AFP: variants seen among roughly 807,000 people sequenced by gnomAD.
AFP encodes the protein alpha-fetoprotein.
In AFP, 64 loss-of-function variants were observed where a neutral mutation model predicts 78.9. That is an observed-to-expected ratio of 0.81 (90% CI 0.66 to 1.00). AFP has a LOEUF of 1.00. Ranked by LOEUF, AFP falls within the 50% of genes least tolerant of loss-of-function variation. The pLI is 0.00. For missense variants in AFP, 689 were observed against 703.8 expected, an observed-to-expected ratio of 0.98 and a Z score of 0.24; for synonymous variants, 254 against 243.8, an observed-to-expected ratio of 1.04 and a Z score of -0.39.
At position 73,440,632 on chromosome 4, in the gene AFP, GAGAA is replaced by G. The variant is rs755796587; in HGVS notation, c.307_310del (p.Glu103PhefsTer56). 31 of 1,614,016 alleles carry G rather than the reference GAGAA, an allele frequency of 1.9e-5. No homozygotes were observed. The highest frequency in any genetic ancestry group is 2.6e-5 in the Non-Finnish European group (31 of 1,180,020). On this transcript the variant is annotated frameshift_variant, in exon 4 of 15. Coordinates refer to ENST00000395792, the MANE Select transcript of AFP (RefSeq NM_001134.3). LOFTEE classifies it high-confidence loss of function. Reference sequence around the variant, plus strand: ...TGCCTTTCTGGAAGAACTTTGCCATGAGAAAGAAATTTTGGAGAAGTACGGACAT... The same window carrying G: ...TGCCTTTCTGGAAGAACTTTGCCATGAGAAATTTTGGAGAAGTACGGACAT...
At position 73,455,733 on chromosome 4, in the gene AFP, T is replaced by C. The variant is rs765212884; in HGVS notation, c.*113T>C. ...GAATTAATGAAATGATAAAGACTTT[T>C]ATGTGAGATTTCCTTATCACAGAAA... On this transcript the variant is annotated 3_prime_UTR_variant, in exon 15 of 15. Coordinates refer to ENST00000395792, the MANE Select transcript of AFP (RefSeq NM_001134.3). 3.0e-6 allele frequency: 2 copies of C among 666,614 alleles called. No individual in the cohort carries two copies. Among genetic ancestry groups the C allele is most frequent in the African/African-American group, 1.8e-5 (1 of 55,014 alleles). 41.3% of individuals were successfully genotyped at this position (666,614 alleles called of 1,614,324 possible). A position where few individuals can be genotyped will look rare whatever the true frequency, so the allele number is the denominator to read the frequency against.
In AFP at chr4:73,441,675, ATTC is replaced by A. The variant is rs537985329; in HGVS notation, c.483-612_483-610del. Among the ~76,000 whole-genome samples the A allele has an allele frequency of 1.8e-3, 279 of 151,390 alleles. 1 individual carries two copies. Among genetic ancestry groups the A allele is most frequent in the African/African-American group, 6.2e-3 (254 of 41,258 alleles). On this transcript the variant is annotated intron_variant, in intron 4 of 14. Coordinates refer to ENST00000395792, the MANE Select transcript of AFP (RefSeq NM_001134.3). ...AAGCCTCCTTCTCCTCTTCCTCTTC[ATTC>A]TTCTTCTTTCCCCCATTTTGTTGAT...
chr4:73,445,055 T>C lies in AFP; in HGVS notation c.776T>C (p.Val259Ala). The C allele has an allele frequency of 1.2e-6, 2 of 1,613,972 alleles. No homozygotes were observed. The highest frequency in any genetic ancestry group is 1.7e-6 in the Non-Finnish European group (2 of 1,179,888). The change falls in exon 7 of 15, where the codon GTC (valine) becomes GCC (alanine). Residue 259 changes from valine (V) to alanine (A), a missense_variant. Coordinates refer to ENST00000395792, the MANE Select transcript of AFP (RefSeq NM_001134.3). ...AATTTTACTGAAATCCAGAAACTAG[T>C]CCTGGATGTGGCCCATGTACATGAG... Reference protein sequence around the residue: ...KVNFTEIQKLVLDVAHVHEHC... With the variant: ...KVNFTEIQKLALDVAHVHEHC...
chr4:73,455,469 A>G, intron 14 of AFP, 162 bp from the exon 15 acceptor site: 1 of 646,184 alleles, frequency 1.5e-6, no homozygotes, highest in Non-Finnish European at 2.7e-6. Flanking sequence ...TTAGTGGCTC[A>G]ACTATGCAAA....
At chr4:73,437,342 T>C (rs750753395) in intron 2 of AFP, 131 bp downstream of exon 2, 1 of 701,648 alleles carries the variant, frequency 1.4e-6, no homozygotes, top group Non-Finnish European at 2.5e-6. Context: ...GAAAAGTTAC[T>C]CATACTGAAT....
Position 73,440,729 on chromosome 4 carries a change from C to T in AFP, c.398C>T (p.Pro133Leu), listed in dbSNP as rs1719634606. The T allele has an allele frequency of 1.2e-6, 2 of 1,614,168 alleles. No individual in the cohort carries two copies. The highest frequency in any genetic ancestry group is 1.1e-5 in the South Asian group (1 of 91,080). Residue 133 changes from proline to leucine, a missense_variant, in exon 4 of 15, where the codon CCA becomes CTA. Pro to Leu is a moderately conservative substitution (Grantham distance 98). Transcript: ENST00000395792. ...NCFLAHKKPTPASIPLFQVPE... is the reference protein window; with the variant it reads ...NCFLAHKKPTLASIPLFQVPE... The stretch of plus-strand genomic sequence containing the variant: ...TTTCTTGCACACAAAAAGCCCACTC[C>T]AGCATCGATCCCACTTTTCCAAGTT...
chr4:73,444,364 C>T (rs985834662), intron 6 of AFP, among the ~76,000 whole-genome samples: 8 of 152,232 alleles, frequency 5.3e-5, no homozygotes, highest in African/African-American at 1.4e-4. Flanking sequence ...TAGAGAAGAT[C>T]CATCTTTATC....
chr4:73,450,823 C>T, intron 11 of AFP, 70 bp downstream of exon 11: 1 of 1,609,478 alleles, frequency 6.2e-7, no homozygotes, highest in Admixed American at 1.7e-5. Flanking sequence ...TCATAATTCC[C>T]CTCTAGGGAA....
intron 4 of AFP, among the ~76,000 whole-genome samples, chr4:73,441,766 C>T (rs926596911): frequency 1.3e-5 from 2 of 152,096 alleles, no homozygotes; most frequent in African/African-American, 4.8e-5. Context: ...TACATTTGAC[C>T]CCAGGTTCTC....
In AFP at chr4:73,442,400, A is replaced by C; in HGVS notation, c.587A>C (p.Glu196Ala). The stretch of plus-strand genomic sequence containing the variant: ...ATAATTCCATCTTGCTGCAAAGCTG[A>C]AAATGCAGTTGAATGCTTCCAAACA... ...DKIIPSCCKA[E>A]NAVECFQTKA... Residue 196 changes from glutamate (E) to alanine (A), a missense_variant, in exon 5 of 15, where the codon GAA becomes GCA. Physicochemically the swap from Glu to Ala is moderately radical, Grantham distance 107. Transcript: ENST00000395792. 1.9e-6 allele frequency: 3 copies of C among 1,614,118 alleles called. No individual in the cohort carries two copies. The highest frequency in any genetic ancestry group is 2.5e-6 in the Non-Finnish European group (3 of 1,179,984).
chr4:73,447,286 TC>T (rs1719857935), intron 7 of AFP, among the ~76,000 whole-genome samples, 175 bp from the exon 8 acceptor site: 1 of 151,968 alleles, frequency 6.6e-6, no homozygotes, highest in Non-Finnish European at 1.5e-5. Context: ...CTTTCCTTCC[TC>T]CTTCCTCCAT....
intron 12 of AFP, 198 bp from the exon 13 acceptor site, chr4:73,453,567 C>T: frequency 1.6e-6 from 1 of 619,926 alleles, no homozygotes; most frequent in Admixed American, 2.7e-5. Flanking sequence ...CTGCACAACT[C>T]CAGGCTGGTG....
intron 8 of AFP, among the ~76,000 whole-genome samples, chr4:73,448,589 G>C (rs1321827902): frequency 6.6e-6 from 1 of 152,134 alleles, no homozygotes. Context: ...CAACTGATTG[G>C]TGACAGAACT....
chr4:73,436,868 G>C (rs931388977), intron 1 of AFP, among the ~76,000 whole-genome samples: 2 of 151,818 alleles, frequency 1.3e-5, no homozygotes, highest in African/African-American at 4.8e-5. Context: ...TTAACCATTT[G>C]ACTTTCAGGA....
At chr4:73,438,707 G>A (rs975734509) in intron 3 of AFP, among the ~76,000 whole-genome samples, 1 of 152,076 alleles carries the variant, frequency 6.6e-6, no homozygotes, top group Non-Finnish European at 1.5e-5. Context: ...ATTCTAGGGA[G>A]CATAATGTGT....
Position 73,449,487 on chromosome 4 carries a change from T to C in AFP, c.1191+20T>C. ...AAAGGAGTAAGTTGCTCTAGAATTT[T>C]AGGGGAGTATGAAAAACTGGATTGA... is the stretch of plus-strand genomic sequence containing the variant. On this transcript the variant is annotated intron_variant, in intron 9 of 14. Coordinates refer to ENST00000395792, the MANE Select transcript of AFP (RefSeq NM_001134.3). 1.9e-6 allele frequency: 3 copies of C among 1,613,120 alleles called. No individual in the cohort carries two copies. The highest frequency in any genetic ancestry group is 2.2e-5 in the East Asian group (1 of 44,758).
Position 73,437,160 on chromosome 4 carries a change from C to A in AFP, c.86C>A (p.Ala29Asp). 6.2e-7 allele frequency: 1 copy of A among 1,610,292 alleles called. No homozygotes were observed. The highest frequency in any genetic ancestry group is 8.5e-7 in the Non-Finnish European group (1 of 1,177,026). The change falls in exon 2 of 15, where the codon GCT becomes GAT. Residue 29 changes from alanine to aspartate, a missense_variant and splice_region_variant. Transcript: ENST00000395792. Reference sequence around the variant, plus strand: ...TCATGAAGTTTATTTTGCTTTCCAGCTTCCATATTGGATTCTTACCAATGT... The same window carrying A: ...TCATGAAGTTTATTTTGCTTTCCAGATTCCATATTGGATTCTTACCAATGT... ...RTLHRNEYGI[A>D]SILDSYQCTA...
chr4:73,441,551 G>C (rs1314079476), intron 4 of AFP, among the ~76,000 whole-genome samples: 5 of 132,394 alleles, frequency 3.8e-5, no homozygotes. Context: ...CGGGGCCACA[G>C]AGCGAGACTC....
intron 3 of AFP, 77 bp from the exon 4 acceptor site, chr4:73,440,525 G>A: frequency 8.4e-7 from 1 of 1,194,240 alleles, no homozygotes; most frequent in East Asian, 2.4e-5. Flanking sequence ...TTAGACATTA[G>A]AAAATGTTTC....
Sources: allele counts gnomAD v4.1 joint callset (sites outside exome capture counted in the v4.1 genomes callset), GRCh38; gene constraint gnomAD v4.1.1; transcripts MANE v1.5; gene names NCBI Gene and HGNC (gene_info 2026-07-23, HGNC 2026-07-21).